Variants in ANLN observed in about 807,000 individuals in gnomAD.
The protein encoded by ANLN is anillin, actin binding protein, also known as anillin.
ANLN carries 59 observed loss-of-function variants against 135.1 expected under a neutral mutation model. The observed-to-expected ratio is 0.44, with a 90% CI of 0.35 to 0.54. The LOEUF (loss-of-function observed/expected upper bound fraction) is 0.54. ANLN is among the 20% of genes least tolerant of loss of function. The pLI is 0.00. For synonymous variants in ANLN, 406 were observed against 456.4 expected, an observed-to-expected ratio of 0.89 and a Z score of 1.41; for missense variants, 1,182 against 1,340.0, an observed-to-expected ratio of 0.88 and a Z score of 1.84.
In ANLN at chr7:36,407,742, T is replaced by C. The variant is rs1787248055; in HGVS notation, c.882T>C (p.Thr294=). 1 of 1,611,590 alleles carries C rather than the reference T, an allele frequency of 6.2e-7. No individual in the cohort carries two copies. The highest frequency in any genetic ancestry group is 2.2e-5 in the East Asian group (1 of 44,824). The part of the protein sequence containing the change: ...NASISSSVKA[T]SPVKSTTSIT... ...GTGTTTTCATGTTTCAGAAAGCTAC[T>C]TCTCCAGTGAAATCTACTACATCTA... is the stretch of plus-strand genomic sequence containing the variant. The change falls in exon 5 of 24, where the codon ACT becomes ACC. Residue 294 remains threonine, a synonymous_variant. Transcript: ENST00000265748.
intron 14 of ANLN, 96 bp from the exon 15 acceptor site, chr7:36,423,721 G>A: frequency 8.5e-7 from 1 of 1,180,768 alleles, no homozygotes; most frequent in Admixed American, 3.0e-5. Flanking sequence ...ATATAAATCA[G>A]TTCAATATTC....
Position 36,389,975 on chromosome 7 carries a change from T to C in ANLN, c.-52T>C, listed in dbSNP as rs371911199. ...ACTGAGCTGAGACTCACTTTTCTCT[T>C]CCTGAATTTGAACCACCGTTTCCAT... On this transcript the variant is annotated 5_prime_UTR_variant, in exon 1 of 24. Transcript: ENST00000265748. 10 of 1,614,060 alleles carry C rather than the reference T, an allele frequency of 6.2e-6. No homozygotes were observed. The highest frequency in any genetic ancestry group is 1.3e-5 in the African/African-American group (1 of 75,056).
intron 3 of ANLN, 94 bp from the exon 4 acceptor site, chr7:36,406,087 C>CTCATT (rs1787174209): frequency 8.2e-7 from 1 of 1,223,324 alleles, no homozygotes; most frequent in Non-Finnish European, 1.1e-6. Flanking sequence ...ACCTATTAAT[C>CTCATT]TCATTTAAAA....
chr7:36,399,546 A>C (rs1421075787), intron 3 of ANLN, among the ~76,000 whole-genome samples, 153 bp downstream of exon 3: 2 of 150,624 alleles, frequency 1.3e-5, no homozygotes, highest in Non-Finnish European at 1.5e-5. Context: ...TTTGTCTACC[A>C]GTAGTATAAG....
intron 21 of ANLN, among the ~76,000 whole-genome samples, chr7:36,443,396 A>G (rs1202660794): frequency 6.6e-6 from 1 of 152,206 alleles, no homozygotes; most frequent in Non-Finnish European, 1.5e-5. Flanking sequence ...TTTAAAATAT[A>G]TAAGGTATGG....
intron 23 of ANLN, 69 bp from the exon 24 acceptor site, chr7:36,452,408 G>A: frequency 6.3e-7 from 1 of 1,580,954 alleles, no homozygotes; most frequent in South Asian, 1.1e-5. Flanking sequence ...TTTTTCCCTA[G>A]CAAGAGTACA....
chr7:36,439,083 A>G (rs1164045629), intron 20 of ANLN, 121 bp from the exon 21 acceptor site: 6 of 713,938 alleles, frequency 8.4e-6, no homozygotes, highest in Non-Finnish European at 1.5e-5. Flanking sequence ...TTATACTCCA[A>G]CTTTAGAAAA....
At chr7:36,405,744 G>C (rs1289338136) in intron 3 of ANLN, among the ~76,000 whole-genome samples, 9 of 152,156 alleles carry the variant, frequency 5.9e-5, no homozygotes, top group Non-Finnish European at 1.3e-4. Context: ...AGCTGCTCTA[G>C]CCACATTTCA....
intron 3 of ANLN, among the ~76,000 whole-genome samples, chr7:36,401,022 C>T: frequency 6.6e-6 from 1 of 152,100 alleles, no homozygotes; most frequent in South Asian, 2.1e-4. Context: ...GTTCTTTTAA[C>T]TGAAATGTTG....
In ANLN at chr7:36,421,876, A is replaced by G; in HGVS notation, c.2183A>G (p.Asn728Ser). Reference sequence around the variant, plus strand: ...TCCTAGGAACTCAATAACGAAATAAATATGCAACAGACAGTGATCTATCAA... The same window carrying G: ...TCCTAGGAACTCAATAACGAAATAAGTATGCAACAGACAGTGATCTATCAA... ...QKMQELNNEI[N>S]MQQTVIYQAS... The change falls in exon 13 of 24, where the codon AAT becomes AGT. Residue 728 changes from asparagine (N) to serine (S), a missense_variant. Around this residue, in one of 3 missense-constraint regions of ANLN, gnomAD observed 1,022 missense variants for 1,134.0 expected, o/e 0.90. Transcript: ENST00000265748. 1.2e-6 allele frequency: 2 copies of G among 1,610,178 alleles called. No homozygotes were observed. The highest frequency in any genetic ancestry group is 1.1e-5 in the South Asian group (1 of 90,026).
chr7:36,422,700 T>C lies in ANLN; in HGVS notation c.2367T>C (p.Asn789=), dbSNP rs776738648. Residue 789 remains asparagine (N), a synonymous_variant, in exon 14 of 24, where the codon AAT becomes AAC. Coordinates refer to ENST00000265748, the MANE Select transcript of ANLN (RefSeq NM_018685.5). ...KLKNEGPQRK[N]KASPQSEFMP... ...AGAACGAAGGACCTCAGAGGAAGAA[T>C]AAGGCTAGTCCCCAAAGTGAATTTA... The C allele has an allele frequency of 6.2e-7, 1 of 1,612,732 alleles. No homozygotes were observed. The highest frequency in any genetic ancestry group is 8.5e-7 in the Non-Finnish European group (1 of 1,179,666).
At chr7:36,447,197 C>T (rs568119350) in intron 22 of ANLN, among the ~76,000 whole-genome samples, 9 of 152,086 alleles carry the variant, frequency 5.9e-5, no homozygotes, top group Non-Finnish European at 8.8e-5. Flanking sequence ...TTTTTCTTTC[C>T]TCACAATTTC....
At chr7:36,404,622 A>G (rs1787111448) in intron 3 of ANLN, among the ~76,000 whole-genome samples, 1 of 152,164 alleles carries the variant, frequency 6.6e-6, no homozygotes, top group Admixed American at 6.5e-5. Flanking sequence ...TATTTAGTTG[A>G]GAACTTTCAC....
intron 22 of ANLN, among the ~76,000 whole-genome samples, chr7:36,445,488 G>A (rs927486657): frequency 6.6e-6 from 1 of 152,076 alleles, no homozygotes; most frequent in Non-Finnish European, 1.5e-5. Context: ...TGTGAAATTT[G>A]TCTGGGGTGG....
rs181608056 is a variant in ANLN, at chr7:36,412,411, C to T, written c.1395+1245C>T. Reference sequence around the variant, plus strand: ...TGGCACGATCTTGGCTTACTGCAACCTCCACCTCCCGGCTTCAAGCGATTC... The same window carrying T: ...TGGCACGATCTTGGCTTACTGCAACTTCCACCTCCCGGCTTCAAGCGATTC... On this transcript the variant is annotated intron_variant, in intron 7 of 23. Coordinates refer to ENST00000265748, the MANE Select transcript of ANLN (RefSeq NM_018685.5). Among the ~76,000 whole-genome samples the T allele has an allele frequency of 3.6e-4, 54 of 149,986 alleles. No individual in the cohort carries two copies. In the East Asian group the frequency reaches 0.011, roughly 30 times the overall value.
chr7:36,437,717 G>A (rs1788602527), intron 20 of ANLN, among the ~76,000 whole-genome samples: 1 of 151,850 alleles, frequency 6.6e-6, no homozygotes, highest in Non-Finnish European at 1.5e-5. Flanking sequence ...CTAAATCCAT[G>A]ATCACAAAGC....
intron 3 of ANLN, among the ~76,000 whole-genome samples, chr7:36,400,123 G>A (rs1006132355): frequency 6.6e-6 from 1 of 152,194 alleles, no homozygotes; most frequent in Non-Finnish European, 1.5e-5. Context: ...AATGCAGACT[G>A]TAAAGTCTTC....
chr7:36,415,929 A>G (rs1787622053), intron 8 of ANLN, 45 bp downstream of exon 8: 1 of 1,445,616 alleles, frequency 6.9e-7, no homozygotes, highest in South Asian at 1.4e-5. Context: ...AGAAACTCAA[A>G]TGATGTTTGT....
At chr7:36,415,986 C>A in intron 8 of ANLN, 102 bp downstream of exon 8, 1 of 1,057,214 alleles carries the variant, frequency 9.5e-7, no homozygotes, top group Non-Finnish European at 1.3e-6. Context: ...TTTGTTCTAA[C>A]GTTTTTTGGG....
Sources: allele counts gnomAD v4.1 joint callset (sites outside exome capture counted in the v4.1 genomes callset), GRCh38; gene constraint gnomAD v4.1.1; regional missense constraint gnomAD v4.1.1; transcripts MANE v1.5; gene names NCBI Gene and HGNC (gene_info 2026-07-23, HGNC 2026-07-21).